The following GRM7 variants were observed in gnomAD, a reference collection of about 807,000 sequenced individuals.
GRM7 encodes metabotropic glutamate receptor 7.
A neutral mutation model predicts 84.5 loss-of-function variants in GRM7; 35 were observed. The ratio of observed to expected loss-of-function variants is 0.41; its 90% CI spans 0.32 to 0.55. GRM7 has a LOEUF of 0.55. GRM7 is among the 20% of genes least tolerant of loss of function. The pLI is 0.19. For synonymous variants in GRM7, 487 were observed against 455.1 expected (o/e 1.07, Z -0.89); for missense variants, 1,003 against 1,194.6 (o/e 0.84, Z 2.36).
At chr3:7,631,952 T>C (rs1198242090) in intron 8 of GRM7, among the ~76,000 whole-genome samples, 1 of 152,140 alleles carries the variant, frequency 6.6e-6, no homozygotes, top group Non-Finnish European at 1.5e-5. Context: ...GGAACTAATA[T>C]ACGTTAGGTG....
At chr3:7,334,250 A>T (rs538234413) in intron 4 of GRM7, among the ~76,000 whole-genome samples, 1 of 152,192 alleles carries the variant, frequency 6.6e-6, no homozygotes, top group South Asian at 2.1e-4. Context: ...TTAACAGCAG[A>T]TTTCTCGGCA....
At chr3:7,601,091 C>G (rs1696291666) in intron 8 of GRM7, among the ~76,000 whole-genome samples, 1 of 152,046 alleles carries the variant, frequency 6.6e-6, no homozygotes, top group Non-Finnish European at 1.5e-5. Context: ...GTGGCTATCT[C>G]AAAATATCAT....
At chr3:7,195,076 G>A (rs115664313) in intron 2 of GRM7, among the ~76,000 whole-genome samples, 1,530 of 152,184 alleles carry the variant, frequency 0.01, 17 homozygotes, top group African/African-American at 0.027. Context: ...TCAGTCATCC[G>A]GTCCCTAATA....
At chr3:7,427,486 CCTGCAAAT>C (rs765011015) in intron 5 of GRM7, among the ~76,000 whole-genome samples, 55 of 152,258 alleles carry the variant, frequency 3.6e-4, no homozygotes, top group Non-Finnish European at 7.5e-4. Flanking sequence ...GATGTCTCTT[CCTGCAAAT>C]ACCTATTCCT....
At chr3:7,662,540 T>A (rs774350812) in intron 8 of GRM7, among the ~76,000 whole-genome samples, 1 of 152,200 alleles carries the variant, frequency 6.6e-6, no homozygotes, top group South Asian at 2.1e-4. Context: ...ATGGAGAAAT[T>A]TGACTTTGTA....
chr3:7,660,071 T>TA (rs199757142), intron 8 of GRM7, among the ~76,000 whole-genome samples: 2,826 of 152,320 alleles, frequency 0.019, 37 homozygotes, highest in Non-Finnish European at 0.029. Context: ...GGATGTAAGC[T>TA]AAAAAGCAAA....
intron 9 of GRM7, among the ~76,000 whole-genome samples, chr3:7,732,630 G>A (rs1043960228): frequency 3.3e-5 from 5 of 152,212 alleles, no homozygotes; most frequent in East Asian, 3.9e-4. Context: ...TCTCAAGTAC[G>A]ACTGCTTTAG....
chr3:7,228,946 G>T (rs1208774568), intron 2 of GRM7, among the ~76,000 whole-genome samples: 1 of 152,178 alleles, frequency 6.6e-6, no homozygotes, highest in Non-Finnish European at 1.5e-5. Context: ...CTTGAGAAAT[G>T]TTGACATAGA....
chr3:7,136,786 G>T (rs576553952), intron 1 of GRM7, among the ~76,000 whole-genome samples: 1 of 152,136 alleles, frequency 6.6e-6, no homozygotes, highest in African/African-American at 2.4e-5. Context: ...CCAATAGAGT[G>T]GTATCCAATG....
intron 2 of GRM7, among the ~76,000 whole-genome samples, chr3:7,172,027 T>C (rs1335678860): frequency 1.3e-5 from 2 of 152,194 alleles, no homozygotes; most frequent in Non-Finnish European, 2.9e-5. Flanking sequence ...CGTCAGCGCT[T>C]ATGTGGGAAA....
chr3:7,691,276 G>C (rs1200533150), intron 9 of GRM7: 2 of 1,286,856 alleles, frequency 1.6e-6, no homozygotes, highest in Non-Finnish European at 2.0e-6. Flanking sequence ...TGTTCTTCTT[G>C]AGCTGACCCA....
intron 1 of GRM7, among the ~76,000 whole-genome samples, chr3:7,064,463 C>CATATATAT (rs745409093): frequency 6.9e-5 from 6 of 87,366 alleles, no homozygotes; most frequent in Admixed American, 1.1e-4. Flanking sequence ...GATATATATA[C>CATATATAT]ATATATATAT....
At chr3:7,070,526 G>A (rs1697832683) in intron 1 of GRM7, among the ~76,000 whole-genome samples, 1 of 152,072 alleles carries the variant, frequency 6.6e-6, no homozygotes, top group South Asian at 2.1e-4. Flanking sequence ...CTATTCTAAT[G>A]TGAGTGCATT....
chr3:7,245,462 A>T (rs928633254), intron 2 of GRM7, among the ~76,000 whole-genome samples: 10 of 152,074 alleles, frequency 6.6e-5, no homozygotes, highest in Middle Eastern at 3.2e-3. Context: ...GCTGGACCTC[A>T]TATGAGAAAC....
intron 1 of GRM7, chr3:6,956,529 G>T (rs1402005293): frequency 2.2e-6 from 1 of 454,930 alleles, no homozygotes; most frequent in African/African-American, 2.0e-5. Context: ...AGAGATTTCT[G>T]TGGCATATTT....
intron 2 of GRM7, among the ~76,000 whole-genome samples, chr3:7,290,489 G>C (rs1370663914): frequency 6.6e-6 from 1 of 152,148 alleles, no homozygotes; most frequent in East Asian, 1.9e-4. Context: ...ATTTTATAGA[G>C]ACTTGCTGTT....
intron 2 of GRM7, among the ~76,000 whole-genome samples, chr3:7,212,623 T>C (rs1696469392): frequency 2.0e-5 from 3 of 152,350 alleles, no homozygotes; most frequent in African/African-American, 4.8e-5. Context: ...TTTTGTACAA[T>C]GTAGCTTCCA....
chr3:7,693,445 T>TATCA (rs1411862786), intron 9 of GRM7, among the ~76,000 whole-genome samples: 1 of 152,134 alleles, frequency 6.6e-6, no homozygotes, highest in Non-Finnish European at 1.5e-5. Flanking sequence ...CCAGGGTCAT[T>TATCA]ATCAGTCTGA....
At chr3:7,155,164 C>G (rs1405273301) in intron 2 of GRM7, among the ~76,000 whole-genome samples, 1 of 152,094 alleles carries the variant, frequency 6.6e-6, no homozygotes, top group Non-Finnish European at 1.5e-5. Flanking sequence ...ATTTCGGTAT[C>G]TCATCAGAGA....
Sources: gnomAD v4.1 joint callset for allele counts (sites outside exome capture counted in the v4.1 genomes callset) on GRCh38, gnomAD v4.1.1 for gene constraint, MANE v1.5 for transcripts, NCBI Gene and HGNC (gene_info 2026-07-23, HGNC 2026-07-21) for gene names.